PLXNB3: variants seen among roughly 807,000 people sequenced by gnomAD.
The protein encoded by PLXNB3 is plexin-B3.
In PLXNB3, 80 loss-of-function variants were observed where a neutral mutation model predicts 125.7. The observed-to-expected ratio is 0.64, with a 90% CI of 0.53 to 0.77. The LOEUF (loss-of-function observed/expected upper bound fraction) is 0.77. Ranked by LOEUF, PLXNB3 falls within the 30% of genes least tolerant of loss-of-function variation. The pLI is 0.00. For synonymous variants in PLXNB3, 954 were observed against 783.3 expected (o/e 1.22, Z -3.64); for missense variants, 1,836 against 1,729.3 (o/e 1.06, Z -1.09).
Position 153,769,876 on chromosome X carries a change from C to T in PLXNB3, c.1566C>T (p.Asp522=). The stretch of plus-strand genomic sequence containing the variant: ...AGTGGCTGTGGAGTTATGAGGAGGA[C>T]AGCCACTGCCTGCACATCCAGAGCC... ...LNQWLWSYEE[D]SHCLHIQSLL... Residue 522 remains aspartate (D), a synonymous_variant, in exon 7 of 36, where the codon GAC becomes GAT. Coordinates refer to ENST00000361971, the MANE Select transcript of PLXNB3 (RefSeq NM_005393.3). The T allele has an allele frequency of 1.7e-6, 2 of 1,207,848 alleles. No homozygotes were observed. The highest frequency in any genetic ancestry group is 2.2e-6 in the Non-Finnish European group (2 of 894,180).
At position 153,772,584 on chromosome X, in the gene PLXNB3, G is replaced by A; in HGVS notation, c.2775+297G>A. 3 of 665,342 alleles carry A rather than the reference G, an allele frequency of 4.5e-6. No individual in the cohort carries two copies. The South Asian group carries it at 1.2e-4, about 27-fold the overall frequency. The allele number at this position is 665,342 out of a possible 1,213,427, so 54.8% of individuals were successfully genotyped here. ...TGCCCAAAGAGGCAACTGGATTTGA[G>A]AGTTTAGAGCTCCAGGTCTGGGGGC... On this transcript the variant is annotated intron_variant, in intron 16 of 35. Coordinates refer to ENST00000361971, the MANE Select transcript of PLXNB3 (RefSeq NM_005393.3).
rs1168379326 is a variant in PLXNB3, at chrX:153,765,544, C to T, written c.9C>T (p.His3=). 4.2e-6 allele frequency: 5 copies of T among 1,196,623 alleles called. No homozygotes were observed. The highest frequency in any genetic ancestry group is 5.6e-6 in the Non-Finnish European group (5 of 887,908). ...GCAGCTGAACTGAGCGTATGTGCCA[C>T]GCCGCCCAGGAGACCCCTCTGCTGC... MC[H]AAQETPLLHH... is the part of the protein sequence containing the mutation. The change falls in exon 2 of 36, where the codon CAC becomes CAT. Residue 3 remains histidine, a synonymous_variant. Transcript: ENST00000361971.
chrX:153,774,388 G>C (rs1557063221), intron 21 of PLXNB3, 32 bp from the exon 22 acceptor site: 1 of 1,162,126 alleles, frequency 8.6e-7, no homozygotes, highest in African/African-American at 1.8e-5. Context: ...GGTGCCGCCA[G>C]CATGCACTCA....
intron 2 of PLXNB3, 99 bp downstream of exon 2, chrX:153,765,679 C>T (rs2091849606): frequency 8.6e-7 from 1 of 1,156,960 alleles, no homozygotes; most frequent in African/African-American, 1.8e-5. Flanking sequence ...GCTGCAGCCT[C>T]CCTCATGGCA....
In PLXNB3 at chrX:153,774,304, C is replaced by G; in HGVS notation, c.3638C>G (p.Ala1213Gly). ...CTGTACTGCGAGCCGCCTGCGCACG[C>G]CCCGCAGCCTGCCAATGGCTCCGGC... is the stretch of plus-strand genomic sequence containing the variant. ...THLYCEPPAH[A>G]PQPANGSGLP... is the part of the protein sequence containing the mutation. The change falls in exon 21 of 36, where the codon GCC becomes GGC. Residue 1213 changes from alanine to glycine, a missense_variant. Transcript: ENST00000361971. 1 of 1,164,011 alleles carries G rather than the reference C, an allele frequency of 8.6e-7. No homozygotes were observed. Among genetic ancestry groups the G allele is most frequent in the Non-Finnish European group, 1.1e-6 (1 of 874,037 alleles).
intron 14 of PLXNB3, 26 bp downstream of exon 14, chrX:153,771,681 G>A (rs782418935): frequency 3.5e-6 from 4 of 1,156,732 alleles, no homozygotes; most frequent in Non-Finnish European, 4.6e-6. Context: ...GGCCCCCACA[G>A]CCCAGTGGCC....
intron 27 of PLXNB3, 23 bp downstream of exon 27, chrX:153,776,237 C>G (rs782603790): frequency 1.5e-5 from 17 of 1,111,420 alleles, no homozygotes. Context: ...GCCCTGCCCA[C>G]CCACCCCAGG....
rs375804140 is a variant in PLXNB3 at position 153,771,980 on chromosome X, C to T, written c.2634C>T (p.Cys878=). Reference sequence around the variant, plus strand: ...CCGTGAGCGTGGCCAGCCGGCCCTGCAACCCTGAGCCCTCTCTCTACCGCA... The same window carrying T: ...CCGTGAGCGTGGCCAGCCGGCCCTGTAACCCTGAGCCCTCTCTCTACCGCA... ...QYAVSVASRP[C]NPEPSLYRTS... The change falls in exon 15 of 36, where the codon TGC becomes TGT. Residue 878 remains cysteine, a synonymous_variant. Transcript: ENST00000361971. 1 of 1,204,079 alleles carries T rather than the reference C, an allele frequency of 8.3e-7. No individual in the cohort carries two copies. The highest frequency in any genetic ancestry group is 1.7e-5 in the African/African-American group (1 of 57,620).
At position 153,768,348 on chromosome X, in the gene PLXNB3, C is replaced by T; in HGVS notation, c.1186C>T (p.Pro396Ser). 1 of 1,210,576 alleles carries T rather than the reference C, an allele frequency of 8.3e-7. No homozygotes were observed. Among genetic ancestry groups the T allele is most frequent in the African/African-American group, 1.7e-5 (1 of 58,031 alleles). The stretch of plus-strand genomic sequence containing the variant: ...CCAGCCTCTGCTGAAGCTCGGGCAG[C>T]CGGTCAGCGCCGTGGCAGCTCTCCA... ...EVQPLLKLGQ[P>S]VSAVAALQAD... Residue 396 changes from proline (P) to serine (S), a missense_variant, in exon 4 of 36, where the codon CCG becomes TCG. Transcript: ENST00000361971.
intron 34 of PLXNB3, 61 bp downstream of exon 34, chrX:153,778,532 AG>A (rs1248171377): frequency 8.5e-7 from 1 of 1,181,599 alleles, no homozygotes; most frequent in Admixed American, 2.2e-5. Context: ...AGCAGAGCAG[AG>A]GGGGGAGACT....
rs1557059376 is a variant in PLXNB3 at position 153,766,855 on chromosome X, A to C, written c.46-18A>C. The C allele has an allele frequency of 2.6e-6, 3 of 1,175,302 alleles. No individual in the cohort carries two copies. Among genetic ancestry groups the C allele is most frequent in the Non-Finnish European group, 3.4e-6 (3 of 879,987 alleles). On this transcript the variant is annotated intron_variant, in intron 2 of 35. Transcript: ENST00000361971. ...TCTGCCTTGCGCTCCCACTGCCCTG[A>C]CCTGTGCCCTCTCACAGGCCCCCGT... is the stretch of plus-strand genomic sequence containing the variant.
Position 153,777,398 on chromosome X carries a change from G to A in PLXNB3, c.5100+18G>A. The A allele has an allele frequency of 8.4e-7, 1 of 1,186,519 alleles. No homozygotes were observed. On this transcript the variant is annotated intron_variant, in intron 30 of 35. Transcript: ENST00000361971. ...CCATGAAGGTTGGTGCGGCCTGGGT[G>A]GCTGGGCCTGAGAGGAGGCTCAGCC...
At chrX:153,772,446 G>A (rs2091942235) in intron 16 of PLXNB3, among the ~76,000 whole-genome samples, 159 bp downstream of exon 16, 1 of 112,316 alleles carries the variant, frequency 8.9e-6, no homozygotes, top group Non-Finnish European at 1.9e-5. Flanking sequence ...GAGGTGGGCA[G>A]CCAGGCCAGT....
chrX:153,772,336 G>A, intron 16 of PLXNB3, 49 bp downstream of exon 16: 1 of 941,184 alleles, frequency 1.1e-6, no homozygotes, highest in Non-Finnish European at 1.5e-6. Flanking sequence ...TAGGAGGGAG[G>A]GCCAGGAAGG....
intron 16 of PLXNB3, chrX:153,772,666 G>A (rs1603246924): frequency 1.0e-6 from 1 of 989,995 alleles, no homozygotes; most frequent in Non-Finnish European, 1.3e-6. Context: ...CAGTGAGGAT[G>A]AAAGAGCCCC....
At chrX:153,769,297 C>T (rs2266877) in intron 6 of PLXNB3, 35 bp downstream of exon 6, 533,102 of 1,087,899 alleles carry the variant, frequency 0.49, 95,903 homozygotes, top group Non-Finnish European at 0.54. Flanking sequence ...CTAGGGCCAA[C>T]GGGTGGTGTG....
rs200641103 is a variant in PLXNB3, at chrX:153,777,295, T to A, written c.5015T>A (p.Val1672Glu). The A allele has an allele frequency of 1.5e-4, 175 of 1,202,567 alleles. No individual in the cohort carries two copies. The highest frequency in any genetic ancestry group is 2.6e-4 in the Admixed American group (12 of 45,549). ...ACCGAGGAGCCAGAAGGGGCCAAGG[T>A]GCGGTGCAGCAGCCTGCGGGAGCGC... is the stretch of plus-strand genomic sequence containing the variant. ...KATEEPEGAK[V>E]RCSSLREREP... is the part of the protein sequence containing the mutation. Residue 1672 changes from valine (V) to glutamate (E), a missense_variant, in exon 30 of 36, where the codon GTG (valine) becomes GAG (glutamate). Coordinates refer to ENST00000361971, the MANE Select transcript of PLXNB3 (RefSeq NM_005393.3).
At position 153,770,164 on chromosome X, in the gene PLXNB3, G is replaced by T. The variant is rs1557061121; in HGVS notation, c.1702G>T (p.Asp568Tyr). Residue 568 changes from aspartate (D) to tyrosine (Y), a missense_variant, in exon 8 of 36, where the codon GAC becomes TAC. Asp to Tyr is a radical substitution (Grantham distance 160). Coordinates refer to ENST00000361971, the MANE Select transcript of PLXNB3 (RefSeq NM_005393.3). ...CTTCCATTGTGCGTTCGGGGACTAT[G>T]ACAGCTTGGCTCATGTGGAAGGGCC... ...EYFHCAFGDY[D>Y]SLAHVEGPHV... 1 of 1,211,291 alleles carries T rather than the reference G, an allele frequency of 8.3e-7. No homozygotes were observed.
chrX:153,770,693 T>C, intron 10 of PLXNB3, 51 bp downstream of exon 10: 1 of 1,206,510 alleles, frequency 8.3e-7, no homozygotes, highest in Non-Finnish European at 1.1e-6. Context: ...TTCTCCACCC[T>C]TCCCAGACCC....
Sources: allele counts gnomAD v4.1 joint callset (sites outside exome capture counted in the v4.1 genomes callset), GRCh38; gene constraint gnomAD v4.1.1; transcripts MANE v1.5; gene names NCBI Gene and HGNC (gene_info 2026-07-23, HGNC 2026-07-21).